The following IQGAP2 variants were observed in gnomAD, a reference collection of about 807,000 sequenced individuals.
IQGAP2 encodes the protein IQ motif containing GTPase activating protein 2, also known as ras GTPase-activating-like protein IQGAP2.
Under a neutral mutation model 201.3 loss-of-function variants are expected in IQGAP2, and 173 were observed. The ratio of observed to expected loss-of-function variants is 0.86; its 90% CI spans 0.76 to 0.98. The LOEUF is 0.98. Among genes scored for constraint, IQGAP2 ranks in the 50% least tolerant of loss-of-function variants. The pLI is 0.00. For synonymous variants in IQGAP2, 675 were observed against 673.9 expected (o/e 1.00, Z -0.03); for missense variants, 1,687 against 1,864.8 (o/e 0.90, Z 1.76).
intron 1 of IQGAP2, among the ~76,000 whole-genome samples, chr5:76,427,197 A>G (rs1376055086): frequency 6.6e-6 from 1 of 152,124 alleles, no homozygotes; most frequent in Non-Finnish European, 1.5e-5. Context: ...ACAACACAAA[A>G]TGTTTCCAGA....
intron 13 of IQGAP2, chr5:76,623,480 G>A (rs1749922277): frequency 2.0e-6 from 1 of 493,546 alleles, no homozygotes; most frequent in South Asian, 3.1e-5. Context: ...CCTGGAGAAA[G>A]GCATTTAACT....
intron 30 of IQGAP2, among the ~76,000 whole-genome samples, chr5:76,686,054 ATGT>A (rs1308601393): frequency 7.2e-5 from 11 of 152,176 alleles, no homozygotes; most frequent in African/African-American, 2.7e-4. Context: ...ATGACCAGTA[ATGT>A]TGAGGATCCT....
intron 15 of IQGAP2, among the ~76,000 whole-genome samples, chr5:76,635,692 A>C (rs2150392450): frequency 6.6e-6 from 1 of 152,104 alleles, no homozygotes; most frequent in African/African-American, 2.4e-5. Context: ...AAAATACAAA[A>C]AATTAGCCAG....
intron 5 of IQGAP2, among the ~76,000 whole-genome samples, chr5:76,586,348 TA>T (rs532292018): frequency 0.031 from 4,393 of 141,006 alleles, 99 homozygotes; most frequent in African/African-American, 0.075. Context: ...ACACATATGG[TA>T]AAAAAAAAAA....
At chr5:76,586,321 G>T (rs539690561) in intron 5 of IQGAP2, among the ~76,000 whole-genome samples, 1 of 150,510 alleles carries the variant, frequency 6.6e-6, no homozygotes, top group East Asian at 2.0e-4. Flanking sequence ...TTGAAATTTA[G>T]TATTAAAACT....
chr5:76,565,821 C>T lies in IQGAP2; in HGVS notation c.303+3269C>T, dbSNP rs867013546. Among the ~76,000 whole-genome samples, 11 of 152,228 alleles carry T rather than the reference C, an allele frequency of 7.2e-5. 1 individual carries two copies. Among genetic ancestry groups the T allele is most frequent in the South Asian group, 2.1e-4 (1 of 4,812 alleles). On this transcript the variant is annotated intron_variant, in intron 3 of 35. Transcript: ENST00000274364. Reference sequence around the variant, plus strand: ...GAGTGTGATACTCTTCCTCTAAGAACGGTGCTCAAGCCTCCTGCAGAACCA... The same window carrying T: ...GAGTGTGATACTCTTCCTCTAAGAATGGTGCTCAAGCCTCCTGCAGAACCA...
At chr5:76,452,905 CTTTTTTTTTTTT>C (rs71604293) in intron 1 of IQGAP2, among the ~76,000 whole-genome samples, 1 of 106,046 alleles carries the variant, frequency 9.4e-6, no homozygotes, top group South Asian at 2.9e-4. Flanking sequence ...CAATTCCTAT[CTTTTTTTTTTTT>C]TTTTTTTTTT....
intron 5 of IQGAP2, among the ~76,000 whole-genome samples, chr5:76,588,623 G>A (rs891881375): frequency 6.6e-6 from 1 of 152,124 alleles, no homozygotes; most frequent in Non-Finnish European, 1.5e-5. Flanking sequence ...TGTGTTTCTT[G>A]TTCTCCATAC....
At chr5:76,685,749 A>G (rs1219321504) in intron 30 of IQGAP2, among the ~76,000 whole-genome samples, 1 of 152,194 alleles carries the variant, frequency 6.6e-6, no homozygotes, top group Non-Finnish European at 1.5e-5. Context: ...TCACCACACT[A>G]TGTAGAGCCA....
At chr5:76,426,579 A>G (rs1318626903) in intron 1 of IQGAP2, among the ~76,000 whole-genome samples, 3 of 152,200 alleles carry the variant, frequency 2.0e-5, no homozygotes, top group Non-Finnish European at 2.9e-5. Context: ...GGCTTGTGCC[A>G]TTGTTCCTTT....
At chr5:76,547,245 G>A (rs1743153959) in intron 2 of IQGAP2, among the ~76,000 whole-genome samples, 1 of 152,158 alleles carries the variant, frequency 6.6e-6, no homozygotes, top group African/African-American at 2.4e-5. Flanking sequence ...TAAGATAACT[G>A]TAGTTTAAGG....
chr5:76,648,570 G>A (rs460294), intron 17 of IQGAP2, among the ~76,000 whole-genome samples: 76,197 of 151,646 alleles, frequency 0.5, 19,527 homozygotes, highest in Non-Finnish European at 0.56. Flanking sequence ...CAGAAATGAC[G>A]GATGTTAGAA....
chr5:76,687,007 T>A (rs1186404256), intron 30 of IQGAP2, among the ~76,000 whole-genome samples: 1 of 152,226 alleles, frequency 6.6e-6, no homozygotes, highest in Non-Finnish European at 1.5e-5. Context: ...ACCATATTGA[T>A]CACTGTAGCT....
chr5:76,490,705 G>T (rs985336833), intron 2 of IQGAP2, among the ~76,000 whole-genome samples: 48 of 152,166 alleles, frequency 3.2e-4, no homozygotes, highest in Non-Finnish European at 5.4e-4. Flanking sequence ...GAACTGTATA[G>T]GTTATAGGGC....
intron 28 of IQGAP2, among the ~76,000 whole-genome samples, chr5:76,679,288 A>G (rs1283240973): frequency 6.6e-6 from 1 of 152,258 alleles, no homozygotes; most frequent in East Asian, 1.9e-4. Flanking sequence ...AAGGAGAAAT[A>G]GTCTGTTCTT....
intron 2 of IQGAP2, among the ~76,000 whole-genome samples, chr5:76,542,427 T>G (rs992459898): frequency 3.2e-4 from 49 of 152,234 alleles, no homozygotes; most frequent in African/African-American, 1.1e-3. Flanking sequence ...CCAGCCAGCT[T>G]CGTTCCTTAC....
intron 1 of IQGAP2, among the ~76,000 whole-genome samples, chr5:76,406,222 C>T (rs1171853427): frequency 6.6e-6 from 1 of 152,200 alleles, no homozygotes; most frequent in Non-Finnish European, 1.5e-5. Flanking sequence ...AATGAGTTCT[C>T]CATGAGGCCT....
chr5:76,594,438 T>C (rs141724322), intron 9 of IQGAP2, among the ~76,000 whole-genome samples: 96 of 152,364 alleles, frequency 6.3e-4, no homozygotes, highest in Middle Eastern at 6.8e-3. Flanking sequence ...AAATTGGCTA[T>C]ACTTTTTTTT....
chr5:76,530,616 G>T (rs544951320), intron 2 of IQGAP2, among the ~76,000 whole-genome samples: 1 of 147,612 alleles, frequency 6.8e-6, no homozygotes, highest in African/African-American at 2.6e-5. Flanking sequence ...AAATATGTAC[G>T]TGCACATGCA....
Sources: allele counts gnomAD v4.1 joint callset (sites outside exome capture counted in the v4.1 genomes callset), GRCh38; gene constraint gnomAD v4.1.1; transcripts MANE v1.5; gene names NCBI Gene and HGNC (gene_info 2026-07-23, HGNC 2026-07-21).